AVEN: variants seen among roughly 807,000 people sequenced by gnomAD.
The protein encoded by AVEN is cell death regulator Aven.
AVEN carries 41 observed loss-of-function variants against 38.1 expected under a neutral mutation model. That is an observed-to-expected ratio of 1.08 (90% CI 0.84 to 1.40). The LOEUF is 1.40. AVEN is among the 40% of genes most tolerant of loss of function. AVEN has a pLI of 0.00. For synonymous variants in AVEN, 206 were observed against 171.8 expected (o/e 1.20, Z -1.56); for missense variants, 605 against 438.8 (o/e 1.38, Z -3.38).
chr15:33,982,778 C>G (rs560911790), intron 2 of AVEN, among the ~76,000 whole-genome samples: 41 of 146,570 alleles, frequency 2.8e-4, no homozygotes, highest in Non-Finnish European at 4.7e-4. Flanking sequence ...CCTTATGAAT[C>G]GAAAAACACA....
In AVEN at chr15:33,866,611, T is replaced by A; in HGVS notation, c.*2A>T. 1.2e-6 allele frequency: 2 copies of A among 1,612,202 alleles called. No individual in the cohort carries two copies. Among genetic ancestry groups the A allele is most frequent in the Non-Finnish European group, 1.7e-6 (2 of 1,178,654 alleles). ...TTGCTTCAGGCACTTTTTTTCCCCT[T>A]TTTAGGAAATCATGCTGTCCAACCA... On this transcript the variant is annotated 3_prime_UTR_variant, in exon 6 of 6. Coordinates refer to ENST00000306730, the MANE Select transcript of AVEN (RefSeq NM_020371.3).
In AVEN at chr15:33,934,665, C is replaced by T. The variant is rs78377032; in HGVS notation, c.446-58670G>A. On this transcript the variant is annotated intron_variant, in intron 2 of 5. Coordinates refer to ENST00000306730, the MANE Select transcript of AVEN (RefSeq NM_020371.3). The stretch of plus-strand genomic sequence containing the variant: ...GATGAGGACTATGTTTAACTCTTCA[C>T]GTCGTGAAATCAAAGCATTACAGAA... Among the ~76,000 whole-genome samples, 277 of 152,242 alleles carry T rather than the reference C, an allele frequency of 1.8e-3. 6 individuals carry two copies. The East Asian group carries it at 0.05, about 28-fold the overall frequency.
intron 2 of AVEN, among the ~76,000 whole-genome samples, chr15:33,902,981 T>C (rs1892550010): frequency 6.6e-6 from 1 of 152,198 alleles, no homozygotes; most frequent in African/African-American, 2.4e-5. Flanking sequence ...CCACTTGTCA[T>C]TCTTTTGGCC....
chr15:33,855,581 C>T (rs1196872587), downstream of AVEN, among the ~76,000 whole-genome samples: 3 of 151,076 alleles, frequency 2.0e-5, no homozygotes, highest in African/African-American at 7.3e-5. Flanking sequence ...ACATACTGTA[C>T]ACAGAAAACT....
intron 11 of AVEN, chr15:33,860,507 T>TA (rs397973618): frequency 8.2e-6 from 6 of 730,400 alleles, no homozygotes; most frequent in African/African-American, 3.6e-5. Context: ...TTTTTTTTTT[T>TA]AACAGAACAA....
At chr15:34,073,426 G>A (rs911876223) in intron 1 of AVEN, among the ~76,000 whole-genome samples, 1 of 128,470 alleles carries the variant, frequency 7.8e-6, no homozygotes, top group Non-Finnish European at 1.6e-5. Context: ...ATATCTTGCA[G>A]AAAATATCTG....
chr15:33,904,396 G>A (rs1263443565), intron 2 of AVEN, among the ~76,000 whole-genome samples: 2 of 152,166 alleles, frequency 1.3e-5, no homozygotes, highest in African/African-American at 4.8e-5. Context: ...CTGAAGCCTA[G>A]GCAACAGAGT....
At chr15:34,040,170 CA>C (rs922746200), upstream of AVEN, among the ~76,000 whole-genome samples, 3 of 147,780 alleles carry the variant, frequency 2.0e-5, no homozygotes, top group South Asian at 2.1e-4. Flanking sequence ...AAAACAAAAA[CA>C]AAAAAAAAAC....
At chr15:33,953,343 C>T (rs1487693809) in intron 2 of AVEN, among the ~76,000 whole-genome samples, 1 of 152,020 alleles carries the variant, frequency 6.6e-6, no homozygotes, top group Non-Finnish European at 1.5e-5. Context: ...CAATTCTATG[C>T]AAAAAGAACA....
intron 3 of AVEN, among the ~76,000 whole-genome samples, chr15:33,871,774 C>CAAAAAAAAAAAAAAAAAAAAAAAAA (rs55793582): frequency 2.2e-5 from 2 of 91,584 alleles, no homozygotes; most frequent in Non-Finnish European, 4.5e-5. Context: ...CTAGTCTCCT[C>CAAAAAAAAAAAAAAAAAAAAAAAAA]AAAAAAAAAA....
Position 33,980,915 on chromosome 15 carries a change from T to C in AVEN, c.445+22117A>G, listed in dbSNP as rs539134528. 4.6e-5 allele frequency among the ~76,000 whole-genome samples: 7 copies of C among 152,150 alleles called. No individual in the cohort carries two copies. In the East Asian group the frequency reaches 1.2e-3, roughly 25 times the overall value. On this transcript the variant is annotated intron_variant, in intron 2 of 5. Transcript: ENST00000306730. ...TAGCCTGCCCTAAAAATCGTATCAC[T>C]AGAGCCTCCAATCAGAACTTAAAAA...
chr15:33,934,967 A>C (rs1304667042), intron 2 of AVEN, among the ~76,000 whole-genome samples: 2 of 152,164 alleles, frequency 1.3e-5, no homozygotes. Context: ...TATAAGTCTC[A>C]AGTATTATTT....
At chr15:33,983,128 CTGTGTGTGTGTG>C (rs373285133) in intron 2 of AVEN, among the ~76,000 whole-genome samples, 2 of 135,350 alleles carry the variant, frequency 1.5e-5, no homozygotes, top group African/African-American at 2.7e-5. Context: ...TGTCCATACT[CTGTGTGTGTGTG>C]TGTGTGTGTG....
intron 2 of AVEN, among the ~76,000 whole-genome samples, chr15:33,979,990 T>A (rs966912440): frequency 1.8e-4 from 28 of 152,190 alleles, no homozygotes; most frequent in Middle Eastern, 3.4e-3. Flanking sequence ...TTTTAAAAAA[T>A]AATCAGCTCA....
At chr15:34,056,554 T>C (rs1900158127) in intron 5 of AVEN, among the ~76,000 whole-genome samples, 2 of 152,196 alleles carry the variant, frequency 1.3e-5, no homozygotes, top group Admixed American at 1.3e-4. Context: ...ACATACTACA[T>C]GGTATTTTCT....
At chr15:33,931,225 A>C (rs1287556535) in intron 2 of AVEN, among the ~76,000 whole-genome samples, 1 of 152,090 alleles carries the variant, frequency 6.6e-6, no homozygotes, top group African/African-American at 2.4e-5. Context: ...TAAATATTTA[A>C]TTCTATTTAT....
At chr15:33,865,260 G>C (rs759249813), downstream of AVEN, 7 of 1,476,570 alleles carry the variant, frequency 4.7e-6, no homozygotes, top group South Asian at 3.5e-5. Flanking sequence ...ATTCTGGACA[G>C]TCAACTTCCC....
intron 2 of AVEN, among the ~76,000 whole-genome samples, chr15:33,985,348 T>C (rs1296709119): frequency 6.6e-6 from 1 of 151,470 alleles, no homozygotes; most frequent in African/African-American, 2.4e-5. Context: ...GTGGGCTTTA[T>C]TACAGGGAAG....
At chr15:33,990,731 G>A (rs766761205) in intron 2 of AVEN, 8 of 152,180 alleles carry the variant, frequency 5.3e-5, no homozygotes, top group South Asian at 2.1e-4. Context: ...TCTGGGGACC[G>A]AAACCTACCA....
Sources: gnomAD v4.1 joint callset for allele counts (sites outside exome capture counted in the v4.1 genomes callset) on GRCh38, gnomAD v4.1.1 for gene constraint, MANE v1.5 for transcripts, NCBI Gene and HGNC (gene_info 2026-07-23, HGNC 2026-07-21) for gene names.